Variants in GSE1 observed in about 807,000 individuals in gnomAD.
GSE1 encodes genetic suppressor element 1.
Under a neutral mutation model 112.6 loss-of-function variants are expected in GSE1, and 32 were observed. The observed-to-expected ratio is 0.28, with a 90% CI of 0.21 to 0.38. The LOEUF (loss-of-function observed/expected upper bound fraction) is 0.38, where lower values mean the gene tolerates loss of function less well. Among genes scored for constraint, GSE1 ranks in the 10% least tolerant of loss-of-function variants. GSE1 has a pLI of 1.00. For missense variants in GSE1, 2,348 were observed against 1,699.2 expected, an observed-to-expected ratio of 1.38 and a Z score of -6.71; for synonymous variants, 1,115 against 735.6, an observed-to-expected ratio of 1.52 and a Z score of -8.35.
intron 2 of GSE1, among the ~76,000 whole-genome samples, chr16:85,420,112 G>GC (rs1210777541): frequency 3.3e-5 from 5 of 151,614 alleles, no homozygotes; most frequent in African/African-American, 1.2e-4. Flanking sequence ...AGGCCAGACG[G>GC]GTGGTGGCTC....
At chr16:85,261,886 T>C (rs542484868) in intron 1 of GSE1, among the ~76,000 whole-genome samples, 2 of 152,322 alleles carry the variant, frequency 1.3e-5, no homozygotes, top group South Asian at 4.2e-4. Flanking sequence ...CCGCTTTGGC[T>C]GTCCCTGGGG....
At position 85,668,202 on chromosome 16, in the gene GSE1, A is replaced by G. The variant is rs1410886787; in HGVS notation, c.3193A>G (p.Ile1065Val). 1.9e-6 allele frequency: 3 copies of G among 1,609,698 alleles called. No homozygotes were observed. The highest frequency in any genetic ancestry group is 3.3e-5 in the Admixed American group (2 of 59,978). The change falls in exon 14 of 16, where the codon ATT (isoleucine) becomes GTT (valine). Residue 1065 changes from isoleucine to valine, a missense_variant. Transcript: ENST00000253458. Reference sequence around the variant, plus strand: ...GGTTGACACGTCCGTCCACTACAACATTCCTGAGCTGCAGTCCTCCAGCCG... The same window carrying G: ...GGTTGACACGTCCGTCCACTACAACGTTCCTGAGCTGCAGTCCTCCAGCCG... ...HKVDTSVHYN[I>V]PELQSSSRAP...
intron 1 of GSE1, among the ~76,000 whole-genome samples, chr16:85,196,520 T>C (rs572076681): frequency 2.6e-5 from 4 of 152,212 alleles, no homozygotes; most frequent in South Asian, 2.1e-4. Context: ...GGGCCCTCAG[T>C]GTGGCTGGTA....
At chr16:85,212,272 G>A (rs1253570809) in intron 1 of GSE1, among the ~76,000 whole-genome samples, 1 of 152,150 alleles carries the variant, frequency 6.6e-6, no homozygotes, top group East Asian at 1.9e-4. Flanking sequence ...TGGGCATGGT[G>A]GCAGGCGCCT....
intron 1 of GSE1, among the ~76,000 whole-genome samples, chr16:85,263,051 C>T (rs538602641): frequency 1.3e-5 from 2 of 152,200 alleles, no homozygotes; most frequent in Admixed American, 6.5e-5. Flanking sequence ...CGCGGGAGGG[C>T]GGGGGCCGGG....
chr16:85,176,226 G>A (rs1476656834), intron 1 of GSE1, among the ~76,000 whole-genome samples: 3 of 152,286 alleles, frequency 2.0e-5, no homozygotes, highest in African/African-American at 7.2e-5. Flanking sequence ...TCCCACCTTG[G>A]CCTCCCCAAA....
chr16:85,656,561 C>T lies in GSE1; in HGVS notation c.1208C>T (p.Ala403Val). The T allele has an allele frequency of 6.5e-7, 1 of 1,548,058 alleles. No homozygotes were observed. The change falls in exon 7 of 16, where the codon GCC (alanine) becomes GTC (valine). Residue 403 changes from alanine to valine, a missense_variant. Transcript: ENST00000253458. ...AREKELLAAK[A>V]LEPSFLPVAE... ...GAGAAGGAGCTGCTGGCCGCCAAGG[C>T]CCTGGAGCCCAGCTTCCTGCCCGTG...
In GSE1 at chr16:85,543,189, C is replaced by T. The variant is rs1460685608; in HGVS notation, c.2465-90725C>T. On this transcript the variant is annotated intron_variant, in intron 2 of 2. Transcript: ENST00000637419. ...ATTGTGCCATGCACTCCAGCCTGGGCGACAGAGCAAGACTCCATCTCAAAA... is the reference window on the plus strand; with the variant it reads ...ATTGTGCCATGCACTCCAGCCTGGGTGACAGAGCAAGACTCCATCTCAAAA... Among the ~76,000 whole-genome samples the T allele has an allele frequency of 5.6e-5, 8 of 143,878 alleles. No individual in the cohort carries two copies. In the South Asian group the frequency reaches 6.6e-4, roughly 12 times the overall value. 94.4% of individuals were successfully genotyped at this position (143,878 alleles called of 152,430 possible). A position where few individuals can be genotyped will look rare whatever the true frequency, so the allele number is the denominator to read the frequency against.
chr16:85,649,461 T>C (rs1598575690), intron 3 of GSE1, among the ~76,000 whole-genome samples: 1 of 152,340 alleles, frequency 6.6e-6, no homozygotes, highest in Admixed American at 6.5e-5. Flanking sequence ...TGTCTTACTT[T>C]TGGGGCTCCC....
At chr16:85,321,972 C>A (rs2046117206) in intron 1 of GSE1, among the ~76,000 whole-genome samples, 1 of 152,178 alleles carries the variant, frequency 6.6e-6, no homozygotes, top group African/African-American at 2.4e-5. Flanking sequence ...GCTTCCTGAC[C>A]GCCAGGGCCG....
upstream of GSE1, among the ~76,000 whole-genome samples, chr16:85,607,215 A>G (rs1360460573): frequency 6.6e-6 from 1 of 152,122 alleles, no homozygotes; most frequent in African/African-American, 2.4e-5. Flanking sequence ...GTGCCTCTCC[A>G]GAGGTGGGGG....
At chr16:85,215,588 T>C (rs888328302) in intron 1 of GSE1, among the ~76,000 whole-genome samples, 1 of 152,208 alleles carries the variant, frequency 6.6e-6, no homozygotes, top group Non-Finnish European at 1.5e-5. Context: ...ATCTGCCTTA[T>C]AGAGCTGTGG....
At chr16:85,171,376 G>A (rs2074356572) in exon 1 of GSE1, 3 of 985,618 alleles carry the variant, frequency 3.0e-6, no homozygotes, top group Non-Finnish European at 3.6e-6. Flanking sequence ...CCGCTTGGGC[G>A]AGAAGGAGCC....
intron 2 of GSE1, among the ~76,000 whole-genome samples, chr16:85,413,361 G>A (rs181437801): frequency 8.1e-4 from 123 of 152,278 alleles, no homozygotes; most frequent in Admixed American, 4.7e-3. Context: ...GGGTCCAGGA[G>A]GGAGGAGCTG....
chr16:85,471,806 G>C (rs2050304244), intron 2 of GSE1, among the ~76,000 whole-genome samples: 1 of 152,100 alleles, frequency 6.6e-6, no homozygotes, highest in Admixed American at 6.5e-5. Flanking sequence ...AACTCCTGGG[G>C]CCCCAATGAT....
chr16:85,281,763 G>C (rs946115110), intron 1 of GSE1, among the ~76,000 whole-genome samples: 4 of 152,168 alleles, frequency 2.6e-5, no homozygotes, highest in African/African-American at 7.2e-5. Context: ...TGGGGTGGGA[G>C]GATGGAGAGC....
In GSE1 at chr16:85,673,259, T is replaced by TG. The variant is rs556325296; in HGVS notation, c.*723dup. On this transcript the variant is annotated 3_prime_UTR_variant, in exon 16 of 16. Coordinates refer to ENST00000253458, the MANE Select transcript of GSE1 (RefSeq NM_014615.5). ...CACACCCACCAGATTGTTACTACAG[T>TG]GGGTTGGGTTTTCATACAGACGTAA... is the stretch of plus-strand genomic sequence containing the variant. 17 of 152,594 alleles carry TG rather than the reference T, an allele frequency of 1.1e-4. No homozygotes were observed. The South Asian group carries it at 3.5e-3, about 32-fold the overall frequency. The allele number at this position is 152,594 out of a possible 1,614,324, so 9.5% of individuals were successfully genotyped here. A position where few individuals can be genotyped will look rare whatever the true frequency, so the allele number is the denominator to read the frequency against.
chr16:85,216,071 C>T (rs932413694), intron 1 of GSE1, among the ~76,000 whole-genome samples: 8 of 152,252 alleles, frequency 5.3e-5, no homozygotes, highest in African/African-American at 1.9e-4. Flanking sequence ...TCCTGTCCCA[C>T]CCTGCCTCTG....
intron 1 of GSE1, among the ~76,000 whole-genome samples, chr16:85,319,898 G>A (rs1253805982): frequency 6.6e-6 from 1 of 152,180 alleles, no homozygotes; most frequent in Non-Finnish European, 1.5e-5. Context: ...CAAACATAAG[G>A]TGCTCAATAA....
Sources: allele counts gnomAD v4.1 joint callset (sites outside exome capture counted in the v4.1 genomes callset), GRCh38; gene constraint gnomAD v4.1.1; transcripts MANE v1.5; gene names NCBI Gene and HGNC (gene_info 2026-07-23, HGNC 2026-07-21).